SAMD4B: variants seen among roughly 807,000 people sequenced by gnomAD.
SAMD4B encodes the protein protein Smaug homolog 2.
In SAMD4B, 5 loss-of-function variants were observed where a neutral mutation model predicts 74.5. The observed-to-expected ratio is 0.07, with a 90% confidence interval of 0.04 to 0.14. The LOEUF is 0.14. Ranked by LOEUF, SAMD4B falls within the 10% of genes least tolerant of loss-of-function variation. The pLI is 1.00. For missense variants in SAMD4B, 608 were observed against 921.8 expected (o/e 0.66, Z 4.41); for synonymous variants, 373 against 374.9 (o/e 1.00, Z 0.06).
At chr19:39,366,091 G>T (rs1342394364) in intron 3 of SAMD4B, among the ~76,000 whole-genome samples, 1 of 152,126 alleles carries the variant, frequency 6.6e-6, no homozygotes. Context: ...AAAGGTAGGT[G>T]GATCACCTGA....
At chr19:39,343,351 C>T (rs1305090525) in intron 1 of SAMD4B, among the ~76,000 whole-genome samples, 2 of 150,764 alleles carry the variant, frequency 1.3e-5, no homozygotes, top group African/African-American at 4.9e-5. Context: ...AGAATGCCCC[C>T]GACGGACCGT....
intron 3 of SAMD4B, among the ~76,000 whole-genome samples, chr19:39,367,118 AG>A (rs1568355896): frequency 6.6e-6 from 1 of 152,228 alleles, no homozygotes; most frequent in Non-Finnish European, 1.5e-5. Context: ...AGCTCAGTGA[AG>A]TGATCACACT....
chr19:39,357,235 G>A (rs2076385482), intron 3 of SAMD4B, 146 bp downstream of exon 3: 1 of 616,674 alleles, frequency 1.6e-6, no homozygotes, highest in Admixed American at 3.2e-5. Flanking sequence ...CTTCTAAGTT[G>A]TCATCATGGG....
rs2078216046 is a variant in SAMD4B at position 39,385,239 on chromosome 19, C to T, written c.*1712C>T. The T allele has an allele frequency of 7.0e-6, 2 of 286,014 alleles. No individual in the cohort carries two copies. Among genetic ancestry groups the T allele is most frequent in the Non-Finnish European group, 6.4e-6 (1 of 155,178 alleles). 17.7% of individuals were successfully genotyped at this position (286,014 alleles called of 1,614,324 possible). A position where few individuals can be genotyped will look rare whatever the true frequency, so the allele number is the denominator to read the frequency against. The stretch of plus-strand genomic sequence containing the variant: ...CAGGGCTTCTCCAGTCCCCCTCCCA[C>T]TAGCTGCAGGAAGTGGGATGGATGG... On this transcript the variant is annotated 3_prime_UTR_variant, in exon 14 of 14. Coordinates refer to ENST00000610417, the MANE Select transcript of SAMD4B (RefSeq NM_001384574.2).
intron 10 of SAMD4B, 22 bp from the exon 11 acceptor site, chr19:39,380,565 C>G (rs771576614): frequency 3.7e-6 from 6 of 1,613,670 alleles, no homozygotes; most frequent in Non-Finnish European, 4.2e-6. Flanking sequence ...AAATTAACAC[C>G]CTGCCTTCTG....
chr19:39,387,080 G>A (rs752112069), downstream of SAMD4B: 1 of 525,554 alleles, frequency 1.9e-6, no homozygotes. Context: ...ATTTAACAGG[G>A]ACACATTCTG....
rs533512209 is a variant in SAMD4B at position 39,383,715 on chromosome 19, G to A, written c.*188G>A. ...TGCCTTGCTCACTCCCAGGCCCGTC[G>A]AGGGATCTCTGCTGAGGCCCGGGGA... On this transcript the variant is annotated 3_prime_UTR_variant, in exon 14 of 14. Coordinates refer to ENST00000610417, the MANE Select transcript of SAMD4B (RefSeq NM_001384574.2). The surrounding 1 kb of genome is among the most constrained non-coding windows in gnomAD (Gnocchi z 4.1). The A allele has an allele frequency of 5.2e-6, 8 of 1,537,480 alleles. No homozygotes were observed. Among genetic ancestry groups the A allele is most frequent in the East Asian group, 4.9e-5 (2 of 40,906 alleles).
intron 10 of SAMD4B, 50 bp downstream of exon 10, chr19:39,380,134 G>T: frequency 7.0e-7 from 1 of 1,422,122 alleles, no homozygotes; most frequent in South Asian, 1.2e-5. Context: ...GGCCTTTGCT[G>T]GTTAGCAGAT....
At chr19:39,386,508 G>C (rs2078253152), downstream of SAMD4B, 1 of 1,614,088 alleles carries the variant, frequency 6.2e-7, no homozygotes. This position sits in a 1 kb window ranked among gnomAD's most constrained non-coding sequence, Gnocchi z 6.1. Flanking sequence ...TTTCTCTTCT[G>C]TCTCCATCTC....
Position 39,369,702 on chromosome 19 carries a change from C to T in SAMD4B, c.244C>T (p.Leu82Phe). 1 of 1,614,174 alleles carries T rather than the reference C, an allele frequency of 6.2e-7. No individual in the cohort carries two copies. The highest frequency in any genetic ancestry group is 2.2e-5 in the East Asian group (1 of 44,888). ...QQESKEKVVS[L>F]LLSHLPLLQP... Reference sequence around the variant, plus strand: ...GGAGTCCAAAGAGAAGGTGGTGTCCCTCCTGCTGTCCCACCTTCCCCTGCT... The same window carrying T: ...GGAGTCCAAAGAGAAGGTGGTGTCCTTCCTGCTGTCCCACCTTCCCCTGCT... The change falls in exon 4 of 14, where the codon CTC (leucine) becomes TTC (phenylalanine). Residue 82 changes from leucine (L) to phenylalanine (F), a missense_variant. Transcript: ENST00000610417.
At chr19:39,350,446 C>A (rs2075969785) in intron 1 of SAMD4B, 1 of 152,132 alleles carries the variant, frequency 6.6e-6, no homozygotes, top group Non-Finnish European at 1.5e-5. Flanking sequence ...GAGAAGAAGC[C>A]CAGAGGGCAG....
chr19:39,353,309 A>G (rs1276302284), intron 1 of SAMD4B, among the ~76,000 whole-genome samples: 3 of 152,202 alleles, frequency 2.0e-5, no homozygotes, highest in African/African-American at 7.2e-5. Context: ...TTTAAAAATT[A>G]CAAAAGTAAT....
At chr19:39,390,119 A>G (rs1431949554), downstream of SAMD4B, 1 of 1,613,946 alleles carries the variant, frequency 6.2e-7, no homozygotes, top group Non-Finnish European at 8.5e-7. Context: ...AGGGGATATC[A>G]GGGAGGCTAT....
intron 3 of SAMD4B, among the ~76,000 whole-genome samples, chr19:39,361,313 A>G (rs538170051): frequency 6.6e-6 from 1 of 152,284 alleles, no homozygotes; most frequent in Non-Finnish European, 1.5e-5. Flanking sequence ...TTGGTTCACT[A>G]GTCCCCAGTT....
At chr19:39,388,644 A>T, downstream of SAMD4B, 1 of 1,614,146 alleles carries the variant, frequency 6.2e-7, no homozygotes, top group Non-Finnish European at 8.5e-7. Flanking sequence ...GAAATAGGCC[A>T]CAAACTGGTT....
At chr19:39,390,526 G>A (rs1336959730), downstream of SAMD4B, among the ~76,000 whole-genome samples, 1 of 152,202 alleles carries the variant, frequency 6.6e-6, no homozygotes, top group East Asian at 1.9e-4. Context: ...CCTTTTGCAG[G>A]AGATGGCTTC....
At chr19:39,367,739 C>T (rs953647794) in intron 3 of SAMD4B, among the ~76,000 whole-genome samples, 5 of 151,046 alleles carry the variant, frequency 3.3e-5, no homozygotes, top group African/African-American at 1.2e-4. Flanking sequence ...CAGCTCCTGA[C>T]CTCAGGTGAT....
downstream of SAMD4B, chr19:39,389,567 G>A: frequency 1.9e-6 from 3 of 1,614,186 alleles, no homozygotes; most frequent in Non-Finnish European, 2.5e-6. This position sits in a 1 kb window ranked among gnomAD's most constrained non-coding sequence, Gnocchi z 5.3. Context: ...GCGGGGGGCA[G>A]GAGGACCATG....
chr19:39,354,873 A>AT (rs751956014), intron 2 of SAMD4B, among the ~76,000 whole-genome samples: 3 of 151,560 alleles, frequency 2.0e-5, no homozygotes, highest in Non-Finnish European at 4.4e-5. Flanking sequence ...TTTGTTTAAA[A>AT]TTTTTTTTTC....
Sources: allele counts gnomAD v4.1 joint callset (sites outside exome capture counted in the v4.1 genomes callset), GRCh38; gene constraint gnomAD v4.1.1; non-coding constraint Gnocchi (gnomAD v3.1); transcripts MANE v1.5; gene names NCBI Gene and HGNC (gene_info 2026-07-23, HGNC 2026-07-21).